The following NRXN3 variants were observed in gnomAD, a reference collection of about 807,000 sequenced individuals.
NRXN3 encodes the protein neurexin 3, also known as neurexin III.
In NRXN3, 32 loss-of-function variants were observed where a neutral mutation model predicts 137.6. The ratio of observed to expected loss-of-function variants is 0.23; its 90% CI spans 0.18 to 0.31. The LOEUF (loss-of-function observed/expected upper bound fraction) is 0.31. NRXN3 is among the 10% of genes least tolerant of loss of function. NRXN3 has a pLI of 1.00. For synonymous variants in NRXN3, 798 were observed against 784.5 expected (o/e 1.02, Z -0.29); for missense variants, 1,574 against 2,062.5 (o/e 0.76, Z 4.59).
At chr14:78,438,586 A>G (rs1399796653) in intron 4 of NRXN3, among the ~76,000 whole-genome samples, 1 of 152,128 alleles carries the variant, frequency 6.6e-6, no homozygotes, top group Middle Eastern at 3.2e-3. Flanking sequence ...GCTGTACGAC[A>G]CTGCCCCAAG....
At chr14:79,779,508 C>CTCAGGT (rs2099107338) in intron 19 of NRXN3, among the ~76,000 whole-genome samples, 1 of 152,132 alleles carries the variant, frequency 6.6e-6, no homozygotes, top group Non-Finnish European at 1.5e-5. Context: ...CTTTGGAAGT[C>CTCAGGT]TCAGGTTCAT....
At chr14:79,500,418 T>G (rs2096813659) in intron 16 of NRXN3, among the ~76,000 whole-genome samples, 1 of 152,170 alleles carries the variant, frequency 6.6e-6, no homozygotes, top group Non-Finnish European at 1.5e-5. Context: ...CAGGGAATGA[T>G]GAATACTTTT....
intron 16 of NRXN3, among the ~76,000 whole-genome samples, chr14:79,503,686 A>G (rs1442233280): frequency 6.6e-6 from 1 of 152,126 alleles, no homozygotes; most frequent in Admixed American, 6.6e-5. Flanking sequence ...CAGCCCACTC[A>G]GTTGGGAGAA....
At chr14:79,728,450 T>A (rs992958057) in intron 19 of NRXN3, among the ~76,000 whole-genome samples, 2 of 152,174 alleles carry the variant, frequency 1.3e-5, no homozygotes, top group Non-Finnish European at 2.9e-5. Context: ...GATTGCTTCC[T>A]CTCATGAGGA....
At position 79,467,343 on chromosome 14, in the gene NRXN3, G is replaced by C; in HGVS notation, c.3385G>C (p.Gly1129Arg). ...GGGCTTCAGCACCACTGTGAAGGAT[G>C]GCATCTTGGTCCGCATCGACAGTGC... Reference protein sequence around the residue: ...AVGFSTTVKDGILVRIDSAPG... With the variant: ...AVGFSTTVKDRILVRIDSAPG... Residue 1129 changes from glycine (G) to arginine (R), a missense_variant, in exon 16 of 21, where the codon GGC (glycine) becomes CGC (arginine). By Grantham distance (125) the Gly-to-Arg change is moderately radical. Transcript: ENST00000335750. 6.2e-7 allele frequency: 1 copy of C among 1,613,536 alleles called. No homozygotes were observed. Among genetic ancestry groups the C allele is most frequent in the Non-Finnish European group, 8.5e-7 (1 of 1,179,480 alleles).
intron 15 of NRXN3, among the ~76,000 whole-genome samples, chr14:79,349,551 C>A (rs1336559150): frequency 6.9e-5 from 3 of 43,660 alleles, no homozygotes; most frequent in Non-Finnish European, 1.5e-4. Flanking sequence ...AAAATACACA[C>A]ACACACACAC....
chr14:78,279,469 A>T (rs2074096234), intron 3 of NRXN3: 1 of 152,250 alleles, frequency 6.6e-6, no homozygotes, highest in Admixed American at 6.5e-5. Context: ...AAGAATAATT[A>T]ACTTGACCAA....
At chr14:79,578,468 C>A (rs145737345) in intron 16 of NRXN3, among the ~76,000 whole-genome samples, 10 of 152,116 alleles carry the variant, frequency 6.6e-5, no homozygotes, top group African/African-American at 1.9e-4. Context: ...TGAGACCATG[C>A]GCCCCAAGTC....
intron 10 of NRXN3, among the ~76,000 whole-genome samples, chr14:78,919,167 C>T (rs1163801505): frequency 6.6e-6 from 1 of 152,044 alleles, no homozygotes; most frequent in Non-Finnish European, 1.5e-5. Flanking sequence ...AACTTTTGAC[C>T]TATTTGGGAT....
At chr14:78,965,577 C>G (rs1205399194) in intron 11 of NRXN3, among the ~76,000 whole-genome samples, 1 of 152,100 alleles carries the variant, frequency 6.6e-6, no homozygotes, top group Non-Finnish European at 1.5e-5. Flanking sequence ...ACTGATAAGT[C>G]TATAATAGAA....
chr14:78,459,666 T>C (rs2094860372), intron 4 of NRXN3, among the ~76,000 whole-genome samples: 1 of 152,160 alleles, frequency 6.6e-6, no homozygotes, highest in Non-Finnish European at 1.5e-5. Context: ...GATGGTGAGA[T>C]TGTGAATAGC....
chr14:78,272,700 GT>G (rs1310605006), intron 2 of NRXN3, among the ~76,000 whole-genome samples: 1 of 152,066 alleles, frequency 6.6e-6, no homozygotes, highest in Non-Finnish European at 1.5e-5. Context: ...TTCTGTCCTG[GT>G]TTGCTCTTAC....
intron 19 of NRXN3, among the ~76,000 whole-genome samples, chr14:79,720,847 T>C (rs1255386373): frequency 1.3e-5 from 2 of 152,010 alleles, no homozygotes; most frequent in Non-Finnish European, 2.9e-5. Context: ...GGGAATAATA[T>C]TAAAATGAAT....
At chr14:78,347,999 A>G (rs962477837) in intron 4 of NRXN3, among the ~76,000 whole-genome samples, 3 of 152,168 alleles carry the variant, frequency 2.0e-5, no homozygotes, top group Non-Finnish European at 2.9e-5. Context: ...GCTCATAAGT[A>G]TATGGAGTAG....
rs761243980 is a variant in NRXN3 at position 79,861,848 on chromosome 14, C to T, written c.4600C>T (p.Arg1534Trp). 1 of 1,614,024 alleles carries T rather than the reference C, an allele frequency of 6.2e-7. No homozygotes were observed. ...GGGGTCCTATCAAGTGGACGAGACG[C>T]GGAACTACATCAGCAACTCCGCCCA... ...DEGSYQVDET[R>W]NYISNSAQSN... The change falls in exon 21 of 21, where the codon CGG becomes TGG. Residue 1534 changes from arginine to tryptophan, a missense_variant. By Grantham distance (101) the Arg-to-Trp change is moderately radical. Coordinates refer to ENST00000335750, the MANE Select transcript of NRXN3 (RefSeq NM_001330195.2). This position sits in a 1 kb window ranked among gnomAD's most constrained non-coding sequence, Gnocchi z 5.4.
chr14:79,811,772 CG>C (rs2099234715), intron 20 of NRXN3, among the ~76,000 whole-genome samples: 1 of 151,500 alleles, frequency 6.6e-6, no homozygotes, highest in Admixed American at 6.6e-5. Context: ...TTAGTAGAGA[CG>C]GGTTTTCACC....
intron 19 of NRXN3, among the ~76,000 whole-genome samples, chr14:79,740,715 TATATATA>T (rs1568073468): frequency 8.0e-4 from 6 of 7,540 alleles, no homozygotes; most frequent in Non-Finnish European, 1.3e-3. Context: ...TAGTTTTTTA[TATATATA>T]TATATATATA....
At chr14:78,528,718 T>G (rs2096416449) in intron 4 of NRXN3, among the ~76,000 whole-genome samples, 1 of 152,178 alleles carries the variant, frequency 6.6e-6, no homozygotes, top group African/African-American at 2.4e-5. Context: ...GAGTCTTTTT[T>G]CAGAATGAGG....
intron 4 of NRXN3, among the ~76,000 whole-genome samples, chr14:78,415,480 C>G (rs1334430010): frequency 1.3e-5 from 2 of 152,040 alleles, no homozygotes; most frequent in Non-Finnish European, 2.9e-5. Flanking sequence ...TTAGCTTAGT[C>G]ATTTATGTGG....
Sources: allele counts gnomAD v4.1 joint callset (sites outside exome capture counted in the v4.1 genomes callset), GRCh38; gene constraint gnomAD v4.1.1; non-coding constraint Gnocchi (gnomAD v3.1); transcripts MANE v1.5; gene names NCBI Gene and HGNC (gene_info 2026-07-23, HGNC 2026-07-21).